Variants in RBFOX1 observed in about 807,000 individuals in gnomAD.
The protein encoded by RBFOX1 is RNA binding protein fox-1 homolog 1.
In RBFOX1, 8 loss-of-function variants were observed where a neutral mutation model predicts 57.7. That is an observed-to-expected ratio of 0.14 (90% CI 0.08 to 0.25). The LOEUF is 0.25. Among genes scored for constraint, RBFOX1 ranks in the 10% least tolerant of loss-of-function variants. RBFOX1 has a pLI of 1.00. For synonymous variants in RBFOX1, 326 were observed against 222.4 expected, an observed-to-expected ratio of 1.47 and a Z score of -4.15; for missense variants, 611 against 548.5, an observed-to-expected ratio of 1.11 and a Z score of -1.14.
intron 4 of RBFOX1, among the ~76,000 whole-genome samples, chr16:5,876,206 A>T (rs1346985497): frequency 6.6e-6 from 1 of 152,062 alleles, no homozygotes; most frequent in Non-Finnish European, 1.5e-5. Flanking sequence ...GGGGGGAAAA[A>T]CAGCTAACTT....
At chr16:6,335,675 G>A (rs1025383933) in intron 2 of RBFOX1, among the ~76,000 whole-genome samples, 1 of 150,930 alleles carries the variant, frequency 6.6e-6, no homozygotes, top group Non-Finnish European at 1.5e-5. Flanking sequence ...CTACTTGGGA[G>A]GCTGAAGCAG....
chr16:5,316,972 G>T (rs1168907558), intron 1 of RBFOX1, among the ~76,000 whole-genome samples: 2 of 152,154 alleles, frequency 1.3e-5, no homozygotes, highest in African/African-American at 4.8e-5. Flanking sequence ...TCTTCTGGAG[G>T]AGCTGGGATG....
Position 5,421,020 on chromosome 16 carries a change from T to G in RBFOX1, c.220-46196T>G, listed in dbSNP as rs567377358. ...CCTCCTCCTCCTCCTTCCTTCTTCT[T>G]TTTTGAGACTGGAACTTGCTTTGTC... On this transcript the variant is annotated intron_variant, in intron 1 of 2. Coordinates refer to the RBFOX1 transcript ENST00000585867. Among the ~76,000 whole-genome samples, 14 of 150,480 alleles carry G rather than the reference T, an allele frequency of 9.3e-5. No individual in the cohort carries two copies. The South Asian group carries it at 3.0e-3, about 32-fold the overall frequency.
At chr16:7,010,082 C>G (rs2093577535) in intron 3 of RBFOX1, among the ~76,000 whole-genome samples, 2 of 151,986 alleles carry the variant, frequency 1.3e-5, no homozygotes, top group African/African-American at 4.8e-5. Flanking sequence ...ATTTAGTTAA[C>G]TTCTATAACG....
intron 2 of RBFOX1, among the ~76,000 whole-genome samples, chr16:6,494,941 C>T (rs1209394435): frequency 1.3e-5 from 2 of 152,124 alleles, no homozygotes; most frequent in Non-Finnish European, 2.9e-5. Flanking sequence ...CATTTGTCCT[C>T]AGAGCAGCCT....
At chr16:5,841,967 G>C (rs1223198101) in intron 3 of RBFOX1, among the ~76,000 whole-genome samples, 1 of 152,212 alleles carries the variant, frequency 6.6e-6, no homozygotes, top group Non-Finnish European at 1.5e-5. Context: ...CTGGTGGGCT[G>C]CCATCCTCGC....
At chr16:7,639,338 C>A (rs749050663) in intron 11 of RBFOX1, among the ~76,000 whole-genome samples, 2 of 152,200 alleles carry the variant, frequency 1.3e-5, no homozygotes, top group Non-Finnish European at 2.9e-5. Context: ...ATCAGACACT[C>A]CTTCTTCTCT....
chr16:7,216,053 T>C (rs1158961659), intron 4 of RBFOX1, among the ~76,000 whole-genome samples: 5 of 152,228 alleles, frequency 3.3e-5, no homozygotes, highest in South Asian at 4.1e-4. Flanking sequence ...AATCATACAG[T>C]ATTTGTTCTT....
At chr16:7,222,731 A>T (rs12598352) in intron 4 of RBFOX1, among the ~76,000 whole-genome samples, 7 of 152,150 alleles carry the variant, frequency 4.6e-5, no homozygotes, top group Admixed American at 2.0e-4. Flanking sequence ...TGCCTGACAC[A>T]CATATGTATT....
At chr16:7,479,389 C>T (rs2063426124) in intron 4 of RBFOX1, among the ~76,000 whole-genome samples, 2 of 152,072 alleles carry the variant, frequency 1.3e-5, no homozygotes, top group Admixed American at 1.3e-4. Flanking sequence ...CTTGGCCTCC[C>T]AAAGTGCTGG....
rs574978192 is a variant in RBFOX1 at position 6,599,765 on chromosome 16, C to T, written c.-63-54838C>T. On this transcript the variant is annotated intron_variant, in intron 2 of 15. Coordinates refer to ENST00000550418, the MANE Select transcript of RBFOX1 (RefSeq NM_018723.4). ...CTAGTTAAGCCATCTTGAGCAGGTGCGTGTAACTTAATGCAACCTTCAGTT... is the reference window on the plus strand; with the variant it reads ...CTAGTTAAGCCATCTTGAGCAGGTGTGTGTAACTTAATGCAACCTTCAGTT... 1.0e-3 allele frequency among the ~76,000 whole-genome samples: 158 copies of T among 152,214 alleles called. 2 individuals are homozygous for T. Among genetic ancestry groups the T allele is most frequent in the African/African-American group, 3.5e-3 (146 of 41,532 alleles).
chr16:7,391,122 A>G (rs1253861880), intron 4 of RBFOX1, among the ~76,000 whole-genome samples: 1 of 152,086 alleles, frequency 6.6e-6, no homozygotes, highest in Non-Finnish European at 1.5e-5. Flanking sequence ...TGAATATGTG[A>G]CAGTTAATCC....
Position 7,051,932 on chromosome 16 carries a change from A to G in RBFOX1, c.-15-125A>G, listed in dbSNP as rs369827824. 39 of 1,419,696 alleles carry G rather than the reference A, an allele frequency of 2.7e-5. No individual in the cohort carries two copies. In the African/African-American group the frequency reaches 4.6e-4, roughly 17 times the overall value. The allele number at this position is 1,419,696 out of a possible 1,614,324, so 87.9% of individuals were successfully genotyped here. On this transcript the variant is annotated intron_variant, in intron 3 of 15. Coordinates refer to ENST00000550418, the MANE Select transcript of RBFOX1 (RefSeq NM_018723.4). Reference sequence around the variant, plus strand: ...CTATGTAGACCTAAAGAAAAATTAAATACATAATTAATTAATTATGGGTTT... The same window carrying G: ...CTATGTAGACCTAAAGAAAAATTAAGTACATAATTAATTAATTATGGGTTT...
intron 3 of RBFOX1, among the ~76,000 whole-genome samples, chr16:5,633,327 C>G (rs1483491567): frequency 6.6e-6 from 1 of 152,134 alleles, no homozygotes; most frequent in East Asian, 1.9e-4. Flanking sequence ...TTTTCTCATT[C>G]CAAAGCATAG....
chr16:7,406,985 C>G (rs2098353661), intron 4 of RBFOX1, among the ~76,000 whole-genome samples: 2 of 152,154 alleles, frequency 1.3e-5, no homozygotes, highest in South Asian at 2.1e-4. Context: ...GTCCTGTGAT[C>G]TCTTAAGGAC....
chr16:7,257,168 C>A (rs577627078), intron 4 of RBFOX1, among the ~76,000 whole-genome samples: 1 of 152,178 alleles, frequency 6.6e-6, no homozygotes, highest in Admixed American at 6.5e-5. Flanking sequence ...CCAACTGTTT[C>A]TCTATCAGAA....
At chr16:6,871,266 ACCTCC>A (rs1262716655) in intron 3 of RBFOX1, among the ~76,000 whole-genome samples, 6 of 151,686 alleles carry the variant, frequency 4.0e-5, no homozygotes, top group African/African-American at 7.3e-5. Flanking sequence ...GCTCACTCTA[ACCTCC>A]CCCTCCTGGG....
At chr16:7,006,857 C>G (rs989454937) in intron 3 of RBFOX1, among the ~76,000 whole-genome samples, 1 of 152,190 alleles carries the variant, frequency 6.6e-6, no homozygotes, top group African/African-American at 2.4e-5. Context: ...ACACTTTGAA[C>G]CCTGCCATTT....
intron 1 of RBFOX1, among the ~76,000 whole-genome samples, chr16:6,139,519 C>G (rs909350942): frequency 1.3e-5 from 2 of 152,152 alleles, no homozygotes; most frequent in Non-Finnish European, 2.9e-5. Context: ...TACTATTACC[C>G]TGCTCAATCC....
Sources: allele counts gnomAD v4.1 joint callset (sites outside exome capture counted in the v4.1 genomes callset), GRCh38; gene constraint gnomAD v4.1.1; transcripts MANE v1.5; gene names NCBI Gene and HGNC (gene_info 2026-07-23, HGNC 2026-07-21).